Variants in ZNG1E observed in about 807,000 individuals in gnomAD.
The protein encoded by ZNG1E is Zn regulated GTPase metalloprotein activator 1E.
the ZNG1E span, among the ~76,000 whole-genome samples, chr9:65,712,854 G>A: frequency 2.6e-5 from 2 of 76,168 alleles, no homozygotes; most frequent in African/African-American, 1.2e-4. Flanking sequence ...GGAGAGTTCT[G>A]TAGATGTCTA....
the ZNG1E span, among the ~76,000 whole-genome samples, chr9:65,680,679 G>A: frequency 1.3e-5 from 2 of 152,272 alleles, no homozygotes; most frequent in Non-Finnish European, 2.9e-5. Context: ...CTGTATTAGA[G>A]GAAAAGTAAA....
chr9:65,717,543 C>G, the ZNG1E span, among the ~76,000 whole-genome samples: 1 of 149,778 alleles, frequency 6.7e-6, no homozygotes, highest in African/African-American at 2.5e-5. Context: ...AGCCATGATC[C>G]CTTTCATCCT....
chr9:65,706,714 AAG>A, the ZNG1E span: 2 of 135,778 alleles, frequency 1.5e-5, no homozygotes, highest in Non-Finnish European at 3.1e-5. Context: ...TTTTCTGTAA[AAG>A]AGTGTAATTT....
At chr9:65,672,011 T>C in the ZNG1E span, among the ~76,000 whole-genome samples, 1 of 142,896 alleles carries the variant, frequency 7.0e-6, no homozygotes, top group Non-Finnish European at 1.5e-5. Flanking sequence ...CATCTAGTTT[T>C]ACAGAAGAGT....
chr9:65,666,293 A>G, the ZNG1E span, among the ~76,000 whole-genome samples: 35 of 150,464 alleles, frequency 2.3e-4, no homozygotes, highest in East Asian at 6.6e-3. Flanking sequence ...TTTTTGTGAT[A>G]GTGAATAAGT....
At chr9:65,684,814 T>C in the ZNG1E span, among the ~76,000 whole-genome samples, 8 of 152,214 alleles carry the variant, frequency 5.3e-5, no homozygotes, top group African/African-American at 1.7e-4. Flanking sequence ...TATTGTGGGC[T>C]TAGTTCCATA....
At chr9:65,665,151 A>G in the ZNG1E span, among the ~76,000 whole-genome samples, 6 of 152,398 alleles carry the variant, frequency 3.9e-5, no homozygotes, top group East Asian at 9.6e-4. Context: ...CATAAGTAAC[A>G]AGGAGCTGAA....
chr9:65,672,344 T>A, the ZNG1E span, among the ~76,000 whole-genome samples: 4 of 152,114 alleles, frequency 2.6e-5, no homozygotes, highest in African/African-American at 7.2e-5. Context: ...TTAAGTTACA[T>A]CAGAAACTGT....
the ZNG1E span, among the ~76,000 whole-genome samples, chr9:65,671,446 A>C: frequency 6.6e-6 from 1 of 151,908 alleles, no homozygotes; most frequent in East Asian, 1.9e-4. Context: ...CAACCTCCCG[A>C]GTAGCTGGGA....
chr9:65,716,596 A>T, the ZNG1E span, among the ~76,000 whole-genome samples: 1 of 150,196 alleles, frequency 6.7e-6, no homozygotes, highest in Non-Finnish European at 1.5e-5. Context: ...GTGAGGTAGG[A>T]CATGATAGTG....
chr9:65,659,653 A>G, the ZNG1E span, among the ~76,000 whole-genome samples: 1 of 152,120 alleles, frequency 6.6e-6, no homozygotes, highest in Non-Finnish European at 1.5e-5. Flanking sequence ...CAAAAGGAGT[A>G]TGAATGGGAT....
At chr9:65,729,161 TG>T in the ZNG1E span, among the ~76,000 whole-genome samples, 5 of 124,268 alleles carry the variant, frequency 4.0e-5, no homozygotes, top group Middle Eastern at 3.8e-3. Flanking sequence ...CAAAACAGCA[TG>T]GTACGGTTAT....
the ZNG1E span, among the ~76,000 whole-genome samples, chr9:65,718,071 A>G: frequency 1.4e-4 from 14 of 101,692 alleles, no homozygotes; most frequent in Admixed American, 9.6e-4. Context: ...TGCAGTGGCT[A>G]TCATGGCTCT....
chr9:65,692,926 CAT>C, the ZNG1E span, among the ~76,000 whole-genome samples: 1 of 137,786 alleles, frequency 7.3e-6, no homozygotes, highest in Non-Finnish European at 1.6e-5. Flanking sequence ...TTTTCTGTTC[CAT>C]AGAAGAAGCT....
the ZNG1E span, chr9:65,677,119 TC>T: frequency 6.5e-7 from 1 of 1,544,020 alleles, no homozygotes; most frequent in African/African-American, 1.4e-5. Flanking sequence ...TTTTGGCGTT[TC>T]CCCACAGTTA....
At chr9:65,667,638 C>G in the ZNG1E span, among the ~76,000 whole-genome samples, 7 of 151,982 alleles carry the variant, frequency 4.6e-5, no homozygotes, top group Non-Finnish European at 7.4e-5. Context: ...CTTTATGTCC[C>G]TTTTGAAGAT....
the ZNG1E span, among the ~76,000 whole-genome samples, chr9:65,657,841 C>A: frequency 6.6e-6 from 1 of 152,292 alleles, no homozygotes; most frequent in East Asian, 1.9e-4. Flanking sequence ...TGGCTCATGC[C>A]TGTAATCCCA....
At chr9:65,679,996 TA>T in the ZNG1E span, among the ~76,000 whole-genome samples, 1 of 152,292 alleles carries the variant, frequency 6.6e-6, no homozygotes, top group East Asian at 1.9e-4. Context: ...CTCAATATTT[TA>T]AAAAGAAGGT....
chr9:65,685,043 TAAAAAAAAAAAAAA>T, the ZNG1E span, among the ~76,000 whole-genome samples: 1 of 107,700 alleles, frequency 9.3e-6, no homozygotes, highest in Non-Finnish European at 1.8e-5. Context: ...CCCCATTTCT[TAAAAAAAAAAAAAA>T]AAAAAAAAAA....
Sources: gnomAD v4.1 joint callset for allele counts (sites outside exome capture counted in the v4.1 genomes callset) on GRCh38, gnomAD v4.1.1 for gene constraint, MANE v1.5 for transcripts, NCBI Gene and HGNC (gene_info 2026-07-23, HGNC 2026-07-21) for gene names.